COL21A1: variants seen among roughly 807,000 people sequenced by gnomAD.
The protein encoded by COL21A1 is collagen alpha-1(XXI) chain.
In COL21A1, 149 loss-of-function variants were observed where a neutral mutation model predicts 137.9. That is an observed-to-expected ratio of 1.08 (90% CI 0.95 to 1.24). The LOEUF (loss-of-function observed/expected upper bound fraction) is 1.24, where lower values mean the gene tolerates loss of function less well. Among genes scored for constraint, COL21A1 ranks in the 50% most tolerant of loss-of-function variants. The probability of loss-of-function intolerance (pLI) is 0.00; values close to 1 mark genes in which losing one functional copy is unlikely to be tolerated. For synonymous variants in COL21A1, 456 were observed against 391.5 expected (o/e 1.16, Z -1.95); for missense variants, 1,167 against 1,158.4 (o/e 1.01, Z -0.11).
chr6:56,077,392 C>T (rs1767336507), intron 18 of COL21A1, 137 bp downstream of exon 18: 1 of 628,692 alleles, frequency 1.6e-6, no homozygotes, highest in African/African-American at 1.9e-5. Context: ...TTTGTAAAGC[C>T]AAAACAACGT....
At chr6:56,276,807 GTTTT>G (rs367712707) in intron 1 of COL21A1, 1 of 906,326 alleles carries the variant, frequency 1.1e-6, no homozygotes, top group Non-Finnish European at 1.7e-6. Context: ...TGTTTTTTTT[GTTTT>G]TTTTGTTTTT....
At chr6:56,104,870 G>C (rs1770748730) in intron 16 of COL21A1, among the ~76,000 whole-genome samples, 1 of 152,148 alleles carries the variant, frequency 6.6e-6, no homozygotes, top group Admixed American at 6.5e-5. Flanking sequence ...AAAAATAAAA[G>C]GATGGAAAGT....
At chr6:56,383,882 G>A (rs749962000) in intron 1 of COL21A1, among the ~76,000 whole-genome samples, 16 of 152,120 alleles carry the variant, frequency 1.1e-4, no homozygotes, top group Admixed American at 2.0e-4. Context: ...TGAGGGATTC[G>A]TTTTGATCCC....
intron 1 of COL21A1, among the ~76,000 whole-genome samples, chr6:56,292,206 G>A (rs1184714480): frequency 6.6e-6 from 1 of 152,052 alleles, no homozygotes; most frequent in East Asian, 1.9e-4. Flanking sequence ...TATTTTCAAT[G>A]GGATGAAGAA....
intron 17 of COL21A1, among the ~76,000 whole-genome samples, chr6:56,088,665 T>TA (rs1273160259): frequency 6.6e-6 from 1 of 152,178 alleles, no homozygotes; most frequent in Admixed American, 6.6e-5. Context: ...ATGTCACAAC[T>TA]TTTTTTCTGC....
At chr6:56,284,199 C>T (rs1479509096) in intron 1 of COL21A1, among the ~76,000 whole-genome samples, 1 of 150,584 alleles carries the variant, frequency 6.6e-6, no homozygotes, top group Non-Finnish European at 1.5e-5. Flanking sequence ...AGGCACACGC[C>T]ACCACACCCA....
intron 7 of COL21A1, 88 bp from the exon 8 acceptor site, chr6:56,164,910 G>A (rs543239412): frequency 1.9e-6 from 2 of 1,032,736 alleles, no homozygotes; most frequent in African/African-American, 3.7e-5. Flanking sequence ...TCACCATCCA[G>A]ATTAGAGATA....
intron 17 of COL21A1, among the ~76,000 whole-genome samples, chr6:56,099,884 G>A (rs1770296352): frequency 6.6e-6 from 1 of 152,024 alleles, no homozygotes; most frequent in South Asian, 2.1e-4. Flanking sequence ...TTCATGCCTG[G>A]TCTGTCAAAA....
chr6:56,178,306 C>G (rs1777641346), intron 3 of COL21A1, among the ~76,000 whole-genome samples: 1 of 152,034 alleles, frequency 6.6e-6, no homozygotes, highest in South Asian at 2.1e-4. Flanking sequence ...TAAATGTCAA[C>G]AAAATCTAAC....
intron 1 of COL21A1, among the ~76,000 whole-genome samples, chr6:56,364,101 T>A (rs767192753): frequency 6.6e-6 from 1 of 151,932 alleles, no homozygotes; most frequent in Non-Finnish European, 1.5e-5. Context: ...AAAACAAATA[T>A]CTACATCTTT....
chr6:56,189,304 G>A (rs1161336728), intron 1 of COL21A1, among the ~76,000 whole-genome samples: 5 of 151,708 alleles, frequency 3.3e-5, no homozygotes, highest in East Asian at 1.9e-4. Context: ...AACACAGCAC[G>A]AGAACTTCAT....
At chr6:56,288,070 C>T (rs966646686) in intron 1 of COL21A1, among the ~76,000 whole-genome samples, 1 of 152,102 alleles carries the variant, frequency 6.6e-6, no homozygotes, top group Non-Finnish European at 1.5e-5. Flanking sequence ...ATTAAGGTAA[C>T]ATATTTGTTT....
At chr6:56,160,287 G>A (rs945845309) in intron 9 of COL21A1, among the ~76,000 whole-genome samples, 1 of 152,176 alleles carries the variant, frequency 6.6e-6, no homozygotes, top group Admixed American at 6.5e-5. Context: ...GCGAATTCTC[G>A]TAATAATCCT....
At chr6:56,104,521 T>C (rs1024735811) in intron 16 of COL21A1, among the ~76,000 whole-genome samples, 2 of 152,216 alleles carry the variant, frequency 1.3e-5, no homozygotes, top group Admixed American at 1.3e-4. Context: ...TTTAATATTG[T>C]TACCAGAACT....
intron 16 of COL21A1, among the ~76,000 whole-genome samples, chr6:56,112,868 G>A (rs563252827): frequency 1.3e-5 from 2 of 152,042 alleles, no homozygotes; most frequent in South Asian, 4.1e-4. Context: ...ATTTTTAGTA[G>A]AGATGGGGTT....
At chr6:56,074,172 T>G in intron 20 of COL21A1, 60 bp downstream of exon 20, 4 of 1,217,246 alleles carry the variant, frequency 3.3e-6, no homozygotes, top group South Asian at 1.5e-5. Context: ...TTCATCAAAG[T>G]TATAAATGGC....
At chr6:56,214,009 T>C (rs1426030847) in intron 1 of COL21A1, among the ~76,000 whole-genome samples, 1 of 152,046 alleles carries the variant, frequency 6.6e-6, no homozygotes, top group Non-Finnish European at 1.5e-5. Flanking sequence ...TAGGAAAGAT[T>C]TTATGCTATA....
intron 1 of COL21A1, among the ~76,000 whole-genome samples, chr6:56,261,708 G>A (rs1763281552): frequency 6.6e-6 from 1 of 152,168 alleles, no homozygotes; most frequent in Non-Finnish European, 1.5e-5. Flanking sequence ...ATACAGTCAG[G>A]TAATACTGCA....
At chr6:56,228,779 C>G (rs533802696) in intron 1 of COL21A1, among the ~76,000 whole-genome samples, 6 of 151,398 alleles carry the variant, frequency 4.0e-5, no homozygotes, top group African/African-American at 1.2e-4. Flanking sequence ...GATTTTTAGT[C>G]CATTAAAACT....
Sources: gnomAD v4.1 joint callset for allele counts (sites outside exome capture counted in the v4.1 genomes callset) on GRCh38, gnomAD v4.1.1 for gene constraint, MANE v1.5 for transcripts, NCBI Gene and HGNC (gene_info 2026-07-23, HGNC 2026-07-21) for gene names.